The following CLCA2 variants were observed in gnomAD, a reference collection of about 807,000 sequenced individuals.
CLCA2 encodes calcium-activated chloride channel regulator 2.
A neutral mutation model predicts 82.9 loss-of-function variants in CLCA2; 85 were observed. That is an observed-to-expected ratio of 1.03 (90% CI 0.86 to 1.23). CLCA2 has a LOEUF of 1.23. Among genes scored for constraint, CLCA2 ranks in the 50% most tolerant of loss-of-function variants. CLCA2 has a pLI of 0.00. For missense variants in CLCA2, 1,089 were observed against 1,124.8 expected, an observed-to-expected ratio of 0.97 and a Z score of 0.45; for synonymous variants, 421 against 391.7, an observed-to-expected ratio of 1.07 and a Z score of -0.88.
At chr1:86,437,331 A>G (rs1161760133) in intron 6 of CLCA2, among the ~76,000 whole-genome samples, 1 of 152,198 alleles carries the variant, frequency 6.6e-6, no homozygotes, top group African/African-American at 2.4e-5. Context: ...CAGGACACAC[A>G]CATGTAAATA....
At chr1:86,431,631 G>A (rs1662500492) in intron 4 of CLCA2, among the ~76,000 whole-genome samples, 2 of 152,106 alleles carry the variant, frequency 1.3e-5, no homozygotes, top group Admixed American at 1.3e-4. Flanking sequence ...GCTTGTTTAG[G>A]AAAGAATCCT....
intron 9 of CLCA2, among the ~76,000 whole-genome samples, chr1:86,442,059 C>CT (rs79171608): frequency 0.046 from 7,007 of 151,698 alleles, 227 homozygotes; most frequent in South Asian, 0.099. Flanking sequence ...CATAGGGCCA[C>CT]TTTTTTTTTC....
intron 12 of CLCA2, 124 bp downstream of exon 12, chr1:86,450,857 A>G (rs894866253): frequency 8.6e-6 from 7 of 809,908 alleles, no homozygotes; most frequent in Non-Finnish European, 1.2e-5. Flanking sequence ...TTTACGCTTA[A>G]GTCCATACAT....
At chr1:86,448,090 A>G (rs953562532) in intron 11 of CLCA2, 1 of 330,544 alleles carries the variant, frequency 3.0e-6, no homozygotes, top group African/African-American at 2.1e-5. Flanking sequence ...TCCTTATGAC[A>G]TACTTATATT....
chr1:86,436,116 A>G (rs1056578095), intron 6 of CLCA2, among the ~76,000 whole-genome samples: 3 of 152,224 alleles, frequency 2.0e-5, no homozygotes, highest in Admixed American at 2.0e-4. Flanking sequence ...TGGCCAGCAA[A>G]GCCTAAAATA....
intron 12 of CLCA2, among the ~76,000 whole-genome samples, chr1:86,452,439 G>A (rs1662991907): frequency 6.6e-6 from 1 of 152,012 alleles, no homozygotes; most frequent in Non-Finnish European, 1.5e-5. Context: ...CTATTAGAAA[G>A]CAAATATAAT....
At chr1:86,449,330 CTAAG>C (rs1456214207) in intron 11 of CLCA2, among the ~76,000 whole-genome samples, 1 of 152,182 alleles carries the variant, frequency 6.6e-6, no homozygotes, top group Non-Finnish European at 1.5e-5. Flanking sequence ...CTCATAGCTA[CTAAG>C]TGACAGATGC....
Position 86,430,975 on chromosome 1 carries a change from G to A in CLCA2, c.584+5G>A, listed in dbSNP as rs781734087. 3.2e-6 allele frequency: 5 copies of A among 1,584,382 alleles called. No homozygotes were observed. On this transcript the variant is annotated splice_donor_5th_base_variant and intron_variant, in intron 4 of 13. Transcript: ENST00000370565. The stretch of plus-strand genomic sequence containing the variant: ...AAATCAAATTAAAGTGACAAGGTTA[G>A]TACTTTTTTTCATGTTATAATTCAT...
chr1:86,428,476 A>G lies in CLCA2; in HGVS notation c.383A>G (p.Gln128Arg), dbSNP rs557558993. The change falls in exon 3 of 14, where the codon CAA (glutamine) becomes CGA (arginine). Residue 128 changes from glutamine (Q) to arginine (R), a missense_variant. Physicochemically the swap from Gln to Arg is conservative, Grantham distance 43 (BLOSUM62 1). Transcript: ENST00000370565. Reference sequence around the variant, plus strand: ...CATGGAGATGATCCATACACCCTACAATACAGAGGGTGTGGAAAAGAGGGA... The same window carrying G: ...CATGGAGATGATCCATACACCCTACGATACAGAGGGTGTGGAAAAGAGGGA... ...GAHGDDPYTL[Q>R]YRGCGKEGKY... 1 of 1,613,380 alleles carries G rather than the reference A, an allele frequency of 6.2e-7. No individual in the cohort carries two copies. Among genetic ancestry groups the G allele is most frequent in the Non-Finnish European group, 8.5e-7 (1 of 1,179,408 alleles).
At chr1:86,435,932 T>G (rs79998983) in intron 6 of CLCA2, among the ~76,000 whole-genome samples, 12 of 128,112 alleles carry the variant, frequency 9.4e-5, no homozygotes, top group South Asian at 2.3e-4. Flanking sequence ...TTTAAATGGT[T>G]AAAAAAAAAA....
At chr1:86,453,727 G>C (rs759230565) in intron 13 of CLCA2, 125 bp downstream of exon 13, 2 of 846,442 alleles carry the variant, frequency 2.4e-6, no homozygotes, top group Non-Finnish European at 3.6e-6. Flanking sequence ...TGCTGATCAG[G>C]CTTTAAATCC....
At chr1:86,436,746 T>G (rs11161821) in intron 6 of CLCA2, among the ~76,000 whole-genome samples, 11,292 of 152,092 alleles carry the variant, frequency 0.074, 495 homozygotes, top group Middle Eastern at 0.12. Flanking sequence ...GGAGTTTTGC[T>G]CTCATTGCCC....
chr1:86,448,055 G>A, intron 11 of CLCA2: 1 of 446,634 alleles, frequency 2.2e-6, no homozygotes, highest in Non-Finnish European at 4.0e-6. Flanking sequence ...CACTTGCTGA[G>A]GTCATACAGG....
chr1:86,447,127 G>T lies in CLCA2; in HGVS notation c.1714-381G>T, dbSNP rs920175664. On this transcript the variant is annotated intron_variant, in intron 10 of 13. Transcript: ENST00000370565. ...GATGTAATTTTCTCAGTTATGAAAA[G>T]AAATGAAAAACATTTAAACGCCTTT... Among the ~76,000 whole-genome samples the T allele has an allele frequency of 5.3e-5, 8 of 152,120 alleles. No individual in the cohort carries two copies. The South Asian group carries it at 8.3e-4, about 16-fold the overall frequency.
chr1:86,434,744 A>C lies in CLCA2; in HGVS notation c.971A>C (p.Glu324Ala). ...CTGGATGTGTCCAGCAAGATGGCAG[A>C]GGTAACATTTTGAACGAAAATGAAT... ...LVLDVSSKMA[E>A]ADRLLQLQQA... Residue 324 changes from glutamate (E) to alanine (A), a missense_variant and splice_region_variant, in exon 6 of 14, where the codon GAG becomes GCG. By Grantham distance (107) the Glu-to-Ala change is moderately radical (BLOSUM62 -1). Coordinates refer to ENST00000370565, the MANE Select transcript of CLCA2 (RefSeq NM_006536.7). The C allele has an allele frequency of 2.5e-6, 4 of 1,604,378 alleles. No homozygotes were observed. Among genetic ancestry groups the C allele is most frequent in the Non-Finnish European group, 3.4e-6 (4 of 1,171,618 alleles).
intron 6 of CLCA2, among the ~76,000 whole-genome samples, chr1:86,437,114 G>T (rs1170518845): frequency 1.3e-5 from 2 of 152,222 alleles, no homozygotes; most frequent in African/African-American, 4.8e-5. Context: ...TGGTACTTGA[G>T]AGTATCATCT....
At chr1:86,445,828 G>A (rs1570264970) in intron 10 of CLCA2, among the ~76,000 whole-genome samples, 1 of 152,068 alleles carries the variant, frequency 6.6e-6, no homozygotes, top group Admixed American at 6.6e-5. Flanking sequence ...CCTCACAGAC[G>A]ATTAATAGCA....
chr1:86,428,060 A>G (rs1662422947), intron 2 of CLCA2, among the ~76,000 whole-genome samples: 1 of 152,162 alleles, frequency 6.6e-6, no homozygotes, highest in Non-Finnish European at 1.5e-5. Context: ...TTTTAATTGC[A>G]TTTTATAGTG....
rs1662427938 is a variant in CLCA2, at chr1:86,428,334, T to C, written c.325-84T>C. 4.5e-6 allele frequency: 6 copies of C among 1,338,318 alleles called. No homozygotes were observed. The South Asian group carries it at 9.4e-5, about 21-fold the overall frequency. The allele number at this position is 1,338,318 out of a possible 1,614,324, so 82.9% of individuals were successfully genotyped here. A position where few individuals can be genotyped will look rare whatever the true frequency, so the allele number is the denominator to read the frequency against. The stretch of plus-strand genomic sequence containing the variant: ...AAATGCACACATCTTAAGTGTACAG[T>C]TCAAAGTGCTTTAATGAATGTATAC... On this transcript the variant is annotated intron_variant, in intron 2 of 13. Coordinates refer to ENST00000370565, the MANE Select transcript of CLCA2 (RefSeq NM_006536.7).
Sources: allele counts gnomAD v4.1 joint callset (sites outside exome capture counted in the v4.1 genomes callset), GRCh38; gene constraint gnomAD v4.1.1; transcripts MANE v1.5; gene names NCBI Gene and HGNC (gene_info 2026-07-23, HGNC 2026-07-21).